The following DNAH10 variants were observed in gnomAD, a reference collection of about 807,000 sequenced individuals.
The protein encoded by DNAH10 is axonemal beta dynein heavy chain 10.
In DNAH10, 348 loss-of-function variants were observed where a neutral mutation model predicts 506.6. That is an observed-to-expected ratio of 0.69 (90% CI 0.63 to 0.75). The LOEUF (loss-of-function observed/expected upper bound fraction) is 0.75, where lower values mean the gene tolerates loss of function less well. DNAH10 is among the 30% of genes least tolerant of loss of function. The pLI is 0.00. For missense variants in DNAH10, 5,179 were observed against 5,787.1 expected (o/e 0.89, Z 3.41); for synonymous variants, 2,059 against 2,198.6 (o/e 0.94, Z 1.78).
chr12:123,772,368 C>A (rs1957285456), intron 3 of DNAH10, among the ~76,000 whole-genome samples: 1 of 152,168 alleles, frequency 6.6e-6, no homozygotes, highest in South Asian at 2.1e-4. Context: ...GAAGTTGTCA[C>A]CCTAAGAGCC....
At chr12:123,912,776 A>G (rs965817213) in intron 59 of DNAH10, among the ~76,000 whole-genome samples, 3 of 152,218 alleles carry the variant, frequency 2.0e-5, no homozygotes, top group African/African-American at 7.2e-5. Flanking sequence ...CTTGGAACCA[A>G]TAGAAATACT....
intron 35 of DNAH10, among the ~76,000 whole-genome samples, chr12:123,851,785 A>G (rs1435226569): frequency 6.6e-6 from 1 of 152,182 alleles, no homozygotes; most frequent in East Asian, 1.9e-4. Context: ...CACGACCACA[A>G]AGAAGAGAGA....
At chr12:123,898,015 G>C in intron 55 of DNAH10, 48 bp downstream of exon 55, 1 of 1,492,334 alleles carries the variant, frequency 6.7e-7, no homozygotes, top group Non-Finnish European at 8.9e-7. Context: ...ATTATTTATG[G>C]GTAAGGATTC....
chr12:123,896,232 G>C (rs551026389), intron 54 of DNAH10, among the ~76,000 whole-genome samples: 1 of 142,498 alleles, frequency 7.0e-6, no homozygotes, highest in Non-Finnish European at 1.5e-5. Flanking sequence ...ATGCCCAAAG[G>C]CACAGATATT....
chr12:123,805,427 G>A (rs1191786217), intron 18 of DNAH10, among the ~76,000 whole-genome samples: 2 of 152,166 alleles, frequency 1.3e-5, no homozygotes, highest in East Asian at 1.9e-4. Flanking sequence ...TAGTTAGCGC[G>A]GTCTGTGCGT....
intron 13 of DNAH10, among the ~76,000 whole-genome samples, chr12:123,797,208 C>T (rs1958311288): frequency 6.6e-6 from 1 of 152,020 alleles, no homozygotes. Context: ...GGCTGCCCTC[C>T]CCGATCCCAT....
At position 123,909,179 on chromosome 12, in the gene DNAH10, C is replaced by A; in HGVS notation, c.9816-82C>A. 1 of 1,534,484 alleles carries A rather than the reference C, an allele frequency of 6.5e-7. No individual in the cohort carries two copies. Among genetic ancestry groups the A allele is most frequent in the South Asian group, 1.2e-5 (1 of 83,246 alleles). On this transcript the variant is annotated intron_variant, in intron 57 of 78. Transcript: ENST00000673944. The surrounding 1 kb of genome is among the most constrained non-coding windows in gnomAD (Gnocchi z 5.4). ...CTCCAGGGACTGTCTTTTGGTTGAG[C>A]TCGTTTTTCTGGAGCTCTCTTTCAG... is the stretch of plus-strand genomic sequence containing the variant.
Position 123,857,087 on chromosome 12 carries a change from T to C in DNAH10, c.6470T>C (p.Met2157Thr). The C allele has an allele frequency of 3.7e-6, 6 of 1,613,084 alleles. No individual in the cohort carries two copies. Among genetic ancestry groups the C allele is most frequent in the Non-Finnish European group, 5.1e-6 (6 of 1,179,534 alleles). ...GTGCTGATGAGGGCCTTGCGAGACA[T>C]GAACTTGCCCAAATTTGTGTTTGAA... Reference protein sequence around the residue: ...DVVLMRALRDMNLPKFVFEDV... With the variant: ...DVVLMRALRDTNLPKFVFEDV... The change falls in exon 37 of 79, where the codon ATG (methionine) becomes ACG (threonine). Residue 2157 changes from methionine to threonine, a missense_variant. By Grantham distance (81) the Met-to-Thr change is moderately conservative (BLOSUM62 -1). Coordinates refer to ENST00000673944, the MANE Select transcript of DNAH10 (RefSeq NM_001372106.1).
Position 123,903,310 on chromosome 12 carries a change from G to A in DNAH10, c.9815+197G>A, listed in dbSNP as rs1286477852. Among the ~76,000 whole-genome samples, 3 of 152,124 alleles carry A rather than the reference G, an allele frequency of 2.0e-5. No homozygotes were observed. The highest frequency in any genetic ancestry group is 1.9e-4 in the East Asian group (1 of 5,174). On this transcript the variant is annotated intron_variant, in intron 57 of 78. Coordinates refer to ENST00000673944, the MANE Select transcript of DNAH10 (RefSeq NM_001372106.1). This position sits in a 1 kb window ranked among gnomAD's most constrained non-coding sequence, Gnocchi z 4.6. ...TGAGGCCCAGGGAGATGAGGTGGGC[G>A]CCCCAGGCATCCAGATCCCCCAGCT... is the stretch of plus-strand genomic sequence containing the variant.
At chr12:123,827,050 ATGT>A (rs1960069653) in intron 25 of DNAH10, among the ~76,000 whole-genome samples, 152 bp downstream of exon 25, 1 of 152,264 alleles carries the variant, frequency 6.6e-6, no homozygotes, top group African/African-American at 2.4e-5. Context: ...CAGTTCTATA[ATGT>A]TGTTTCTATG....
chr12:123,830,657 T>C lies in DNAH10; in HGVS notation c.4503T>C (p.Asn1501=), dbSNP rs1465087902. 1 of 1,612,920 alleles carries C rather than the reference T, an allele frequency of 6.2e-7. No individual in the cohort carries two copies. Among genetic ancestry groups the C allele is most frequent in the Non-Finnish European group, 8.5e-7 (1 of 1,179,180 alleles). The change falls in exon 26 of 79, where the codon AAT becomes AAC. Residue 1501 remains asparagine, a synonymous_variant. Transcript: ENST00000673944. ...MELHKHTDVL[N]EIVTAAIKEV... is the part of the protein sequence containing the mutation. Reference sequence around the variant, plus strand: ...TGCACAAACACACAGATGTTCTCAATGAGATTGTCACAGCAGCAATCAAGG... The same window carrying C: ...TGCACAAACACACAGATGTTCTCAACGAGATTGTCACAGCAGCAATCAAGG...
chr12:123,817,209 CT>C (rs1284903253), intron 21 of DNAH10, among the ~76,000 whole-genome samples: 63 of 107,972 alleles, frequency 5.8e-4, no homozygotes, highest in African/African-American at 1.7e-3. Flanking sequence ...TTTTGTTCTT[CT>C]TTTTTTTTTC....
intron 12 of DNAH10, among the ~76,000 whole-genome samples, chr12:123,796,074 C>T (rs150511892): frequency 3.3e-5 from 5 of 152,112 alleles, no homozygotes; most frequent in South Asian, 2.1e-4. Flanking sequence ...AACAGATTTC[C>T]GGATTTCTGA....
chr12:123,849,597 C>G (rs1164312039), intron 34 of DNAH10, among the ~76,000 whole-genome samples: 1 of 152,234 alleles, frequency 6.6e-6, no homozygotes, highest in Non-Finnish European at 1.5e-5. Flanking sequence ...GTCCTCCCCC[C>G]TCCATGCCCT....
chr12:123,845,870 G>A lies in DNAH10; in HGVS notation c.5630+1G>A, dbSNP rs943353234. On this transcript the variant is annotated splice_donor_variant, in intron 31 of 78. Transcript: ENST00000673944. LOFTEE classifies it high-confidence loss of function. ...TAGTTGATTCTTTCATAAGAGGCAG[G>A]TGAGCATTTTCCGGGGTCACTGGCA... The A allele has an allele frequency of 1.9e-6, 3 of 1,613,526 alleles. No individual in the cohort carries two copies. Among genetic ancestry groups the A allele is most frequent in the Admixed American group, 3.3e-5 (2 of 60,030 alleles).
chr12:123,762,599 C>G lies in DNAH10; in HGVS notation c.214+49C>G. On this transcript the variant is annotated intron_variant, in intron 1 of 78. Transcript: ENST00000673944. The surrounding 1 kb of genome is among the most constrained non-coding windows in gnomAD (Gnocchi z 5.0). Reference sequence around the variant, plus strand: ...TTCCCCGGGCTTCCCTCCTGCCCGTCCCGGCCTCTCCGGCGGGCGCCGGGG... The same window carrying G: ...TTCCCCGGGCTTCCCTCCTGCCCGTGCCGGCCTCTCCGGCGGGCGCCGGGG... The G allele has an allele frequency of 1.3e-6, 2 of 1,503,650 alleles. No homozygotes were observed. Among genetic ancestry groups the G allele is most frequent in the South Asian group, 1.2e-5 (1 of 80,306 alleles). 93.1% of individuals were successfully genotyped at this position (1,503,650 alleles called of 1,614,324 possible). A position where few individuals can be genotyped will look rare whatever the true frequency, so the allele number is the denominator to read the frequency against.
At chr12:123,905,520 C>T (rs1327411711) in intron 57 of DNAH10, among the ~76,000 whole-genome samples, 2 of 152,180 alleles carry the variant, frequency 1.3e-5, no homozygotes, top group Non-Finnish European at 2.9e-5. Flanking sequence ...TTTTCCTAGA[C>T]TTACCAACAG....
chr12:123,806,182 G>T (rs1273026410), intron 18 of DNAH10, among the ~76,000 whole-genome samples: 2 of 152,210 alleles, frequency 1.3e-5, no homozygotes, highest in East Asian at 3.9e-4. Flanking sequence ...TCCCTTTCAC[G>T]TTGGCTGCTA....
chr12:123,866,400 C>T (rs1470899405), intron 41 of DNAH10, among the ~76,000 whole-genome samples: 5 of 151,568 alleles, frequency 3.3e-5, no homozygotes, highest in South Asian at 2.1e-4. Context: ...CCCGCCACCA[C>T]GACCGGCTAA....
Sources: gnomAD v4.1 joint callset for allele counts (sites outside exome capture counted in the v4.1 genomes callset) on GRCh38, gnomAD v4.1.1 for gene constraint, Gnocchi (gnomAD v3.1) non-coding constraint, MANE v1.5 for transcripts, NCBI Gene and HGNC (gene_info 2026-07-23, HGNC 2026-07-21) for gene names.